ZNF214: variants seen among roughly 807,000 people sequenced by gnomAD.
ZNF214 encodes zinc finger protein 214.
ZNF214 carries 43 observed loss-of-function variants against 53.9 expected under a neutral mutation model. The observed-to-expected ratio is 0.80, with a 90% CI of 0.63 to 1.03. ZNF214 has a LOEUF of 1.03. Ranked by LOEUF, ZNF214 falls within the 50% of genes least tolerant of loss-of-function variation. The pLI is 0.00. For synonymous variants in ZNF214, 217 were observed against 229.5 expected (o/e 0.95, Z 0.49); for missense variants, 724 against 719.1 (o/e 1.01, Z -0.08).
intron 1 of ZNF214, among the ~76,000 whole-genome samples, chr11:7,003,973 T>C (rs1851418283): frequency 6.6e-6 from 1 of 151,740 alleles, no homozygotes; most frequent in Non-Finnish European, 1.5e-5. Context: ...TTTGGGATGC[T>C]CAGAAACTCA....
Position 7,000,707 on chromosome 11 carries a change from T to C in ZNF214, c.976A>G (p.Thr326Ala), listed in dbSNP as rs1422451215. 1 of 1,608,632 alleles carries C rather than the reference T, an allele frequency of 6.2e-7. No homozygotes were observed. Among genetic ancestry groups the C allele is most frequent in the East Asian group, 2.2e-5 (1 of 44,844 alleles). The change falls in exon 3 of 3, where the codon ACA becomes GCA. Residue 326 changes from threonine to alanine, a missense_variant. By Grantham distance (58) the Thr-to-Ala change is moderately conservative. Coordinates refer to ENST00000278314, the MANE Select transcript of ZNF214 (RefSeq NM_013249.4). ...TCAATTTTATAGAATTTCTCTTCTG[T>C]GTGGACTCTTTGATGATTGTGAAGA... is the stretch of plus-strand genomic sequence containing the variant. ...SSLHNHQRVHTEEKFYKIECD... is the reference protein window; with the variant it reads ...SSLHNHQRVHAEEKFYKIECD...
At chr11:7,019,641 G>A (rs1392380881) in intron 1 of ZNF214, 2 of 152,182 alleles carry the variant, frequency 1.3e-5, no homozygotes, top group Non-Finnish European at 2.9e-5. Flanking sequence ...GAACTTTAAA[G>A]AGGACCAAAC....
At chr11:7,018,427 C>T (rs780723846) in intron 1 of ZNF214, among the ~76,000 whole-genome samples, 3 of 149,292 alleles carry the variant, frequency 2.0e-5, no homozygotes, top group Non-Finnish European at 4.4e-5. Flanking sequence ...CATTCTGGCA[C>T]TGTTTAATGT....
chr11:7,015,568 T>C (rs1400870793), intron 1 of ZNF214, among the ~76,000 whole-genome samples: 1 of 129,540 alleles, frequency 7.7e-6, no homozygotes, highest in Non-Finnish European at 1.7e-5. Flanking sequence ...CAGAGCAAGA[T>C]GACTCTGTCT....
At position 6,998,486 on chromosome 11, in the gene ZNF214, C is replaced by T. The variant is rs1194998029; in HGVS notation, c.*1376G>A. ...TTAGTTTCCATCTCATTATCCTTTT[C>T]AGATACATTTAAGATCAGATCAAGT... On this transcript the variant is annotated 3_prime_UTR_variant, in exon 3 of 3. Transcript: ENST00000278314. Among the ~76,000 whole-genome samples, 1 of 152,004 alleles carries T rather than the reference C, an allele frequency of 6.6e-6. No individual in the cohort carries two copies. Among genetic ancestry groups the T allele is most frequent in the Non-Finnish European group, 1.5e-5 (1 of 67,942 alleles).
chr11:7,018,495 C>CTTTTTTTTTTTTT lies in ZNF214; in HGVS notation c.-21+1565_-21+1577dup, dbSNP rs55641448. Among the ~76,000 whole-genome samples the CTTTTTTTTTTTTT allele has an allele frequency of 3.1e-4, 19 of 61,876 alleles. 3 individuals carry two copies. The highest frequency in any genetic ancestry group is 5.0e-4 in the Non-Finnish European group (17 of 34,208). The allele number at this position is 61,876 out of a possible 152,430, so 40.6% of individuals were successfully genotyped here. ...TAGTTTATTACCCCCAATGTTAAGA[C>CTTTTTTTTTTTTT]TTTTTTTTTTTTTTTTTTTTTTTTG... On this transcript the variant is annotated intron_variant, in intron 1 of 2. Transcript: ENST00000278314.
rs553573012 is a variant in ZNF214 at position 7,003,882 on chromosome 11, T to C, written c.-20-1027A>G. ...ATGTATTTAAATACCTAGTGGTATA[T>C]TTTTAATGTTTATAAAATAAGTTTA... On this transcript the variant is annotated intron_variant, in intron 1 of 2. Transcript: ENST00000278314. 3.9e-5 allele frequency among the ~76,000 whole-genome samples: 6 copies of C among 151,962 alleles called. No homozygotes were observed. In the South Asian group the frequency reaches 1.2e-3, roughly 31 times the overall value.
chr11:7,002,900 C>G, intron 1 of ZNF214, 45 bp from the exon 2 acceptor site: 1 of 1,494,950 alleles, frequency 6.7e-7, no homozygotes, highest in Non-Finnish European at 8.9e-7. Flanking sequence ...AAGATAAAGA[C>G]ATTTAGCAGA....
chr11:7,019,788 G>A (rs1007553592), intron 1 of ZNF214: 1 of 152,208 alleles, frequency 6.6e-6, no homozygotes, highest in African/African-American at 2.4e-5. Flanking sequence ...CTTTCTCTAG[G>A]GAAAAAACGT....
Position 7,000,504 on chromosome 11 carries a change from C to G in ZNF214, c.1179G>C (p.Lys393Asn). Residue 393 changes from lysine to asparagine, a missense_variant, in exon 3 of 3, where the codon AAG becomes AAC. By Grantham distance (94) the Lys-to-Asn change is moderately conservative (BLOSUM62 0). Transcript: ENST00000278314. Reference protein sequence around the residue: ...EKPYKCDECGKGFSQSSNLRI... With the variant: ...EKPYKCDECGNGFSQSSNLRI... ...GAAGATTTGAGCTCTGGCTGAAACC[C>G]TTACCACACTCATCACACTTATATG... 6.2e-7 allele frequency: 1 copy of G among 1,612,772 alleles called. No individual in the cohort carries two copies. The highest frequency in any genetic ancestry group is 8.5e-7 in the Non-Finnish European group (1 of 1,179,318).
chr11:7,007,178 G>A (rs1851489830), intron 1 of ZNF214, among the ~76,000 whole-genome samples: 1 of 151,636 alleles, frequency 6.6e-6, no homozygotes, highest in African/African-American at 2.4e-5. Context: ...AAAGTCAGTA[G>A]GGGTAAATAA....
At position 7,000,457 on chromosome 11, in the gene ZNF214, G is replaced by T; in HGVS notation, c.1226C>A (p.Thr409Lys). 3 of 1,613,344 alleles carry T rather than the reference G, an allele frequency of 1.9e-6. No homozygotes were observed. Among genetic ancestry groups the T allele is most frequent in the Non-Finnish European group, 2.5e-6 (3 of 1,179,570 alleles). ...TTCACATTTATAAGACTTCTCTCCT[G>T]TGTGTACTAACTGATGAATTCGAAG... ...SNLRIHQLVHTGEKSYKCEDC... is the reference protein window; with the variant it reads ...SNLRIHQLVHKGEKSYKCEDC... Residue 409 changes from threonine to lysine, a missense_variant, in exon 3 of 3, where the codon ACA becomes AAA. Coordinates refer to ENST00000278314, the MANE Select transcript of ZNF214 (RefSeq NM_013249.4).
At chr11:7,011,746 T>A (rs988233139) in intron 1 of ZNF214, among the ~76,000 whole-genome samples, 8 of 152,042 alleles carry the variant, frequency 5.3e-5, no homozygotes, top group African/African-American at 1.4e-4. Context: ...GTTATGGCCA[T>A]CTACCTAGAA....
intron 1 of ZNF214, among the ~76,000 whole-genome samples, chr11:7,018,146 A>T (rs1287078611): frequency 6.6e-6 from 1 of 152,216 alleles, no homozygotes; most frequent in Admixed American, 6.5e-5. Context: ...TAAATAAAAG[A>T]CTACAAGTAA....
intron 1 of ZNF214, among the ~76,000 whole-genome samples, chr11:7,005,486 T>A (rs1215624436): frequency 6.6e-6 from 1 of 152,066 alleles, no homozygotes; most frequent in Non-Finnish European, 1.5e-5. Context: ...AACTAATGAA[T>A]TCTGAAGGAT....
Position 7,002,838 on chromosome 11 carries a change from G to T in ZNF214, c.-3C>A, listed in dbSNP as rs763136915. On this transcript the variant is annotated 5_prime_UTR_variant, in exon 2 of 3. Coordinates refer to ENST00000278314, the MANE Select transcript of ZNF214 (RefSeq NM_013249.4). ...ACATCTTCAAATGTTACTGCCATCT[G>T]GTCAAAGATCAGGCTTTCTAGGAAA... The T allele has an allele frequency of 8.2e-6, 13 of 1,589,820 alleles. No homozygotes were observed. Among genetic ancestry groups the T allele is most frequent in the Non-Finnish European group, 1.1e-5 (13 of 1,171,066 alleles).
At chr11:7,003,655 A>G (rs1851409298) in intron 1 of ZNF214, among the ~76,000 whole-genome samples, 1 of 151,988 alleles carries the variant, frequency 6.6e-6, no homozygotes, top group South Asian at 2.1e-4. Flanking sequence ...AAAATGTTTG[A>G]TGAAGGGTTG....
rs1161617100 is a variant in ZNF214, at chr11:7,000,238, C to G, written c.1445G>C (p.Ser482Thr). 4 of 1,613,224 alleles carry G rather than the reference C, an allele frequency of 2.5e-6. No individual in the cohort carries two copies. The highest frequency in any genetic ancestry group is 4.5e-5 in the East Asian group (2 of 44,852). ...TCTTTGATGAGTGTGAAGCTTTGAA[C>G]TCTTACTGAAGCCCTTCCCACATTC... The part of the protein sequence containing the change: ...CPECGKGFSK[S>T]SKLHTHQRVH... The change falls in exon 3 of 3, where the codon AGT (serine) becomes ACT (threonine). Residue 482 changes from serine (S) to threonine (T), a missense_variant. Transcript: ENST00000278314.
intron 1 of ZNF214, among the ~76,000 whole-genome samples, chr11:7,012,047 G>A (rs11041134): frequency 0.11 from 16,964 of 152,078 alleles, 964 homozygotes; most frequent in Admixed American, 0.17. Context: ...TCTGAGGAAC[G>A]CAATAGACTT....
Sources: allele counts gnomAD v4.1 joint callset (sites outside exome capture counted in the v4.1 genomes callset), GRCh38; gene constraint gnomAD v4.1.1; transcripts MANE v1.5; gene names NCBI Gene and HGNC (gene_info 2026-07-23, HGNC 2026-07-21).